Variants in ATP2B3 observed in about 807,000 individuals in gnomAD.
ATP2B3 encodes ATPase plasma membrane Ca2+ transporting 3, also known as plasma membrane calcium-transporting ATPase 3.
A neutral mutation model predicts 70.8 loss-of-function variants in ATP2B3; 12 were observed. The observed-to-expected ratio is 0.17, with a 90% confidence interval of 0.11 to 0.27. The LOEUF is 0.27. ATP2B3 is among the 10% of genes least tolerant of loss of function. ATP2B3 has a pLI of 1.00. For missense variants in ATP2B3, 858 were observed against 1,118.5 expected (o/e 0.77, Z 3.32); for synonymous variants, 460 against 497.8 (o/e 0.92, Z 1.01).
At chrX:153,560,464 C>T (rs782341594) in intron 18 of ATP2B3, among the ~76,000 whole-genome samples, 1 of 111,727 alleles carries the variant, frequency 9.0e-6, no homozygotes, top group Admixed American at 9.4e-5. Context: ...CCCTCAGGCT[C>T]AGGGTCTGGC....
chrX:153,529,855 C>T (rs1282860669), intron 2 of ATP2B3, among the ~76,000 whole-genome samples: 6 of 112,056 alleles, frequency 5.4e-5, no homozygotes, highest in Admixed American at 1.9e-4. Flanking sequence ...CTGAGTCCAA[C>T]GTCCTCAAGG....
rs368920786 is a variant in ATP2B3 at position 153,542,342 on chromosome X, C to T, written c.684C>T (p.Asp228=). ...QVKYGDLLPA[D]GVLIQANDLK... ...CTCTAGGCGACCTGCTGCCAGCCGA[C>T]GGCGTGCTCATCCAGGCCAATGACC... The change falls in exon 6 of 22, where the codon GAC becomes GAT. Residue 228 remains aspartate (D), a synonymous_variant. Transcript: ENST00000263519. 6.6e-6 allele frequency: 8 copies of T among 1,210,010 alleles called. No individual in the cohort carries two copies. The highest frequency in any genetic ancestry group is 3.5e-5 in the African/African-American group (2 of 57,454).
intron 7 of ATP2B3, among the ~76,000 whole-genome samples, chrX:153,544,387 A>T (rs2090332661): frequency 8.9e-6 from 1 of 112,227 alleles, no homozygotes; most frequent in Non-Finnish European, 1.9e-5. Context: ...ACCTTAAATG[A>T]GTGTGTCCTT....
chrX:153,557,632 G>A (rs2090558509), intron 16 of ATP2B3, among the ~76,000 whole-genome samples: 1 of 112,148 alleles, frequency 8.9e-6, no homozygotes, highest in Non-Finnish European at 1.9e-5. Flanking sequence ...CCAGGCTTGG[G>A]GCAGAGGAGA....
chrX:153,570,702 A>G (rs1471441037), intron 21 of ATP2B3, among the ~76,000 whole-genome samples: 1 of 111,286 alleles, frequency 9.0e-6, no homozygotes, highest in Non-Finnish European at 1.9e-5. Flanking sequence ...GGCCTTTGCC[A>G]GGATGGTTCT....
At position 153,570,416 on chromosome X, in the gene ATP2B3, C is replaced by A. The variant is rs782109204; in HGVS notation, c.3342+5313C>A. 4.4e-5 allele frequency among the ~76,000 whole-genome samples: 5 copies of A among 112,837 alleles called. No individual in the cohort carries two copies. The East Asian group carries it at 1.4e-3, about 31-fold the overall frequency. ...GTGTTAGAGGTTTCCCCAGAACTGGCACTCAGAGGCCTCTTCAAGACGTTG... is the reference window on the plus strand; with the variant it reads ...GTGTTAGAGGTTTCCCCAGAACTGGAACTCAGAGGCCTCTTCAAGACGTTG... On this transcript the variant is annotated intron_variant, in intron 21 of 21. Coordinates refer to ENST00000263519, the MANE Select transcript of ATP2B3 (RefSeq NM_001001344.3).
intron 21 of ATP2B3, among the ~76,000 whole-genome samples, chrX:153,567,740 C>T (rs782370661): frequency 9.0e-6 from 1 of 111,187 alleles, no homozygotes; most frequent in African/African-American, 3.3e-5. Flanking sequence ...CCCTGTTTTG[C>T]GTATGAGGAA....
intron 17 of ATP2B3, 55 bp from the exon 18 acceptor site, chrX:153,559,674 C>A: frequency 8.8e-7 from 1 of 1,136,996 alleles, no homozygotes; most frequent in African/African-American, 1.8e-5. Context: ...GGGTTTCCAC[C>A]CCCAACCTTC....
In ATP2B3 at chrX:153,536,438, A is replaced by G. The variant is rs782444167; in HGVS notation, c.191A>G (p.Lys64Arg). Reference sequence around the variant, plus strand: ...GTCAGCGGGCTCTGCCGGAGGCTGAAGACCTCACCCACAGAGGGTAAGTCC... The same window carrying G: ...GTCAGCGGGCTCTGCCGGAGGCTGAGGACCTCACCCACAGAGGGTAAGTCC... ...GDVSGLCRRLKTSPTEGLADN... is the reference protein window; with the variant it reads ...GDVSGLCRRLRTSPTEGLADN... Residue 64 changes from lysine to arginine, a missense_variant, in exon 3 of 22, where the codon AAG (lysine) becomes AGG (arginine). Lys to Arg is a conservative substitution (Grantham distance 26). This residue lies in a region of ATP2B3 where 278 missense variants were observed against 366.2 expected (regional missense o/e 0.76). Coordinates refer to ENST00000263519, the MANE Select transcript of ATP2B3 (RefSeq NM_001001344.3). 29 of 1,197,896 alleles carry G rather than the reference A, an allele frequency of 2.4e-5. No homozygotes were observed. The South Asian group carries it at 4.8e-4, about 20-fold the overall frequency.
rs113156293 is a variant in ATP2B3, at chrX:153,529,744, C to A, written c.-126-6378C>A. ...CCCAGCCCCCAGCCCATGGCACCCA[C>A]CCTTCCACTGTCCGTCCCCTCAGAT... On this transcript the variant is annotated intron_variant, in intron 2 of 21. Coordinates refer to ENST00000263519, the MANE Select transcript of ATP2B3 (RefSeq NM_001001344.3). Among the ~76,000 whole-genome samples the A allele has an allele frequency of 5.2e-3, 581 of 111,697 alleles. 2 individuals are homozygous for A. The highest frequency in any genetic ancestry group is 0.014 in the African/African-American group (422 of 30,706).
In ATP2B3 at chrX:153,557,042, G is replaced by A. The variant is rs375601757; in HGVS notation, c.2433+19G>A. The A allele has an allele frequency of 3.3e-5, 38 of 1,152,889 alleles. No individual in the cohort carries two copies. The African/African-American group carries it at 4.8e-4, about 15-fold the overall frequency. ...CGCCATGGTAAGCCACCTGGTGCCCGCCCAGCTCACCACGGCAGATGGGGC... is the reference window on the plus strand; with the variant it reads ...CGCCATGGTAAGCCACCTGGTGCCCACCCAGCTCACCACGGCAGATGGGGC... On this transcript the variant is annotated intron_variant, in intron 16 of 21. Transcript: ENST00000263519.
At chrX:153,570,230 T>C (rs916894523) in intron 21 of ATP2B3, among the ~76,000 whole-genome samples, 8 of 112,301 alleles carry the variant, frequency 7.1e-5, no homozygotes, top group Non-Finnish European at 1.3e-4. Flanking sequence ...CACAGAAGAA[T>C]CTAGCCCACG....
chrX:153,567,359 G>A (rs2090722970), intron 21 of ATP2B3, among the ~76,000 whole-genome samples: 1 of 113,312 alleles, frequency 8.8e-6, no homozygotes, highest in Admixed American at 9.2e-5. Context: ...ACGAGACCAT[G>A]CCTATGGGCC....
intron 21 of ATP2B3, among the ~76,000 whole-genome samples, chrX:153,570,936 C>T (rs1389506886): frequency 1.9e-5 from 2 of 107,977 alleles, no homozygotes; most frequent in Non-Finnish European, 3.8e-5. Flanking sequence ...CATTTTGGGC[C>T]ACTCTGTCCT....
intron 7 of ATP2B3, among the ~76,000 whole-genome samples, chrX:153,544,065 C>T (rs1325475661): frequency 8.9e-6 from 1 of 112,930 alleles, no homozygotes; most frequent in Non-Finnish European, 1.9e-5. Flanking sequence ...GAAGCTTCGA[C>T]GAGCCCTGCC....
rs2090909617 is a variant in ATP2B3 at position 153,580,383 on chromosome X, G to A, written c.*85G>A. 1.0e-6 allele frequency: 1 copy of A among 953,620 alleles called. No individual in the cohort carries two copies. The highest frequency in any genetic ancestry group is 1.4e-6 in the Non-Finnish European group (1 of 696,104). 78.6% of individuals were successfully genotyped at this position (953,620 alleles called of 1,213,427 possible). ...ACACATGCACGCACACACACATATGGGGACCTGCACACCTGCAAAACGAGG... is the reference window on the plus strand; with the variant it reads ...ACACATGCACGCACACACACATATGAGGACCTGCACACCTGCAAAACGAGG... On this transcript the variant is annotated 3_prime_UTR_variant, in exon 22 of 22. Coordinates refer to ENST00000263519, the MANE Select transcript of ATP2B3 (RefSeq NM_001001344.3).
At chrX:153,560,625 T>C (rs782664051) in intron 18 of ATP2B3, 51 bp from the exon 19 acceptor site, 1 of 1,175,373 alleles carries the variant, frequency 8.5e-7, no homozygotes, top group Non-Finnish European at 1.2e-6. Flanking sequence ...TCCTGAGTAA[T>C]GCGTCATGCG....
rs782650067 is a variant in ATP2B3 at position 153,560,036 on chromosome X, C to T, written c.2839+94C>T. The T allele has an allele frequency of 1.1e-4, 96 of 908,165 alleles. 1 individual carries two copies. The South Asian group carries it at 2.1e-3, about 20-fold the overall frequency. The allele number at this position is 908,165 out of a possible 1,213,427, so 74.8% of individuals were successfully genotyped here. ...TCTGGTGTGTCTCCACCTGTGTCTC[C>T]GCACCCAGTACGGGGTGGGACGCTG... On this transcript the variant is annotated intron_variant, in intron 18 of 21. Coordinates refer to ENST00000263519, the MANE Select transcript of ATP2B3 (RefSeq NM_001001344.3).
intron 21 of ATP2B3, among the ~76,000 whole-genome samples, chrX:153,565,955 C>T (rs1275617846): frequency 2.7e-5 from 3 of 112,542 alleles, no homozygotes; most frequent in Non-Finnish European, 5.6e-5. Context: ...TGTCCTCACC[C>T]GCCTGGCACC....
Sources: allele counts gnomAD v4.1 joint callset (sites outside exome capture counted in the v4.1 genomes callset), GRCh38; gene constraint gnomAD v4.1.1; regional missense constraint gnomAD v4.1.1; transcripts MANE v1.5; gene names NCBI Gene and HGNC (gene_info 2026-07-23, HGNC 2026-07-21).